Variants in SLC25A21 observed in about 807,000 individuals in gnomAD.
SLC25A21 encodes the protein mitochondrial 2-oxodicarboxylate carrier.
In SLC25A21, 47 loss-of-function variants were observed where a neutral mutation model predicts 43.8. The ratio of observed to expected loss-of-function variants is 1.07; its 90% CI spans 0.85 to 1.37. The LOEUF (loss-of-function observed/expected upper bound fraction) is 1.37, where lower values mean the gene tolerates loss of function less well. Ranked by LOEUF, SLC25A21 falls within the 40% of genes most tolerant of loss-of-function variation. The pLI, the probability that SLC25A21 is intolerant of heterozygous loss-of-function variation, is 0.00. For missense variants in SLC25A21, 352 were observed against 350.2 expected (o/e 1.00, Z -0.04); for synonymous variants, 131 against 121.3 (o/e 1.08, Z -0.52).
chr14:36,744,935 G>A (rs1455459129), intron 3 of SLC25A21, among the ~76,000 whole-genome samples: 1 of 151,838 alleles, frequency 6.6e-6, no homozygotes, highest in African/African-American at 2.4e-5. Flanking sequence ...AGGTATACAT[G>A]TGCCATGTTG....
chr14:36,775,259 G>T (rs74044976), intron 3 of SLC25A21, among the ~76,000 whole-genome samples: 1,878 of 152,258 alleles, frequency 0.012, 30 homozygotes, highest in African/African-American at 0.044. Context: ...AAAAGGGGAA[G>T]AATAGAAACT....
At chr14:36,819,197 C>T (rs1417423993) in intron 2 of SLC25A21, among the ~76,000 whole-genome samples, 2 of 152,098 alleles carry the variant, frequency 1.3e-5, no homozygotes, top group African/African-American at 2.4e-5. Flanking sequence ...ACCTATCTGC[C>T]GCTGTTCTCA....
rs58943565 is a variant in SLC25A21, at chr14:37,069,018, C to CA, written c.70+103262dup. ...TGAAACCCCGTCTCTACTAAAAATA[C>CA]AAAAAAAAATTAGCCGGGCATGGTG... On this transcript the variant is annotated intron_variant, in intron 1 of 9. Coordinates refer to ENST00000331299, the MANE Select transcript of SLC25A21 (RefSeq NM_030631.4). 3.2e-3 allele frequency among the ~76,000 whole-genome samples: 476 copies of CA among 150,940 alleles called. 3 individuals carry two copies. Among genetic ancestry groups the CA allele is most frequent in the African/African-American group, 0.01 (428 of 41,202 alleles).
In SLC25A21 at chr14:37,172,516, A is replaced by G; in HGVS notation, c.-166T>C. 1 of 779,904 alleles carries G rather than the reference A, an allele frequency of 1.3e-6. No individual in the cohort carries two copies. The highest frequency in any genetic ancestry group is 2.2e-6 in the Non-Finnish European group (1 of 448,292). 48.3% of individuals were successfully genotyped at this position (779,904 alleles called of 1,614,324 possible). On this transcript the variant is annotated 5_prime_UTR_variant, in exon 1 of 10. Transcript: ENST00000331299. ...GCTGGAAAGCGAGGGTTCGAGGCGC[A>G]GATTCGTCGCGCGATCTCCGGCGCG...
chr14:37,025,301 T>A (rs952181831), intron 1 of SLC25A21, among the ~76,000 whole-genome samples: 1 of 152,148 alleles, frequency 6.6e-6, no homozygotes, highest in Non-Finnish European at 1.5e-5. Context: ...TATCTAATCC[T>A]GGGATTGTTT....
At chr14:36,935,896 T>C (rs969613821) in intron 1 of SLC25A21, among the ~76,000 whole-genome samples, 1 of 152,142 alleles carries the variant, frequency 6.6e-6, no homozygotes, top group Non-Finnish European at 1.5e-5. Flanking sequence ...GGATTCTCCA[T>C]TAAAGAGGGG....
At chr14:37,123,068 A>T (rs1963237792) in intron 1 of SLC25A21, among the ~76,000 whole-genome samples, 1 of 152,220 alleles carries the variant, frequency 6.6e-6, no homozygotes, top group African/African-American at 2.4e-5. Context: ...TTACTTATTA[A>T]TATTACGAAT....
chr14:37,009,550 G>C (rs1960684627), intron 1 of SLC25A21, among the ~76,000 whole-genome samples: 1 of 152,116 alleles, frequency 6.6e-6, no homozygotes, highest in South Asian at 2.1e-4. Flanking sequence ...AAAGACCAGG[G>C]GAAGAGAAGA....
At chr14:36,809,703 C>T (rs934061748) in intron 3 of SLC25A21, among the ~76,000 whole-genome samples, 6 of 152,086 alleles carry the variant, frequency 3.9e-5, no homozygotes, top group African/African-American at 1.4e-4. Flanking sequence ...AGTGTATTAA[C>T]AGACTTTAAT....
At chr14:36,698,679 G>A (rs1249802446) in intron 7 of SLC25A21, among the ~76,000 whole-genome samples, 3 of 152,006 alleles carry the variant, frequency 2.0e-5, no homozygotes, top group Non-Finnish European at 4.4e-5. Flanking sequence ...TTCAGTCACT[G>A]ATACCCTTTC....
chr14:37,075,449 T>C (rs982367527), intron 1 of SLC25A21, among the ~76,000 whole-genome samples: 6 of 152,184 alleles, frequency 3.9e-5, no homozygotes, highest in African/African-American at 1.4e-4. Context: ...GTCACAATTG[T>C]ATTGGTACAG....
chr14:36,784,288 A>G (rs1360300664), intron 3 of SLC25A21, among the ~76,000 whole-genome samples: 1 of 152,250 alleles, frequency 6.6e-6, no homozygotes, highest in Non-Finnish European at 1.5e-5. Flanking sequence ...TTGCTATGCA[A>G]GAATTCAATA....
At chr14:37,018,522 C>T (rs1010642434) in intron 1 of SLC25A21, among the ~76,000 whole-genome samples, 1 of 152,024 alleles carries the variant, frequency 6.6e-6, no homozygotes, top group Non-Finnish European at 1.5e-5. Context: ...TCAGGAACAT[C>T]TCCTCTTTCG....
At chr14:36,968,338 A>G (rs1230635575) in intron 1 of SLC25A21, among the ~76,000 whole-genome samples, 3 of 152,194 alleles carry the variant, frequency 2.0e-5, no homozygotes, top group African/African-American at 7.2e-5. Context: ...GATTGACAAG[A>G]AGTCACTGGT....
chr14:37,015,178 C>T (rs1278223801), intron 1 of SLC25A21, among the ~76,000 whole-genome samples: 1 of 146,264 alleles, frequency 6.8e-6, no homozygotes, highest in Non-Finnish European at 1.5e-5. Flanking sequence ...TCTCCTAACG[C>T]TATCCCTCCC....
chr14:36,957,112 C>T (rs1959361496), intron 1 of SLC25A21, among the ~76,000 whole-genome samples: 1 of 152,188 alleles, frequency 6.6e-6, no homozygotes, highest in Non-Finnish European at 1.5e-5. Flanking sequence ...TTGTGGGTCA[C>T]AAAAGAAAGT....
intron 3 of SLC25A21, among the ~76,000 whole-genome samples, chr14:36,798,154 C>T (rs1887738108): frequency 6.6e-6 from 1 of 152,142 alleles, no homozygotes; most frequent in South Asian, 2.1e-4. Context: ...ATGCTGTAAC[C>T]TCTCCTATTC....
At chr14:36,746,474 G>T (rs957739123) in intron 3 of SLC25A21, among the ~76,000 whole-genome samples, 2 of 152,102 alleles carry the variant, frequency 1.3e-5, no homozygotes, top group Non-Finnish European at 2.9e-5. Flanking sequence ...GAGGGGTGAG[G>T]AAAACAATAC....
At chr14:36,890,819 T>C (rs1362615899) in intron 1 of SLC25A21, among the ~76,000 whole-genome samples, 1 of 152,198 alleles carries the variant, frequency 6.6e-6, no homozygotes, top group Non-Finnish European at 1.5e-5. Context: ...GTTTATGATT[T>C]AACAACTGTT....
Sources: allele counts gnomAD v4.1 joint callset (sites outside exome capture counted in the v4.1 genomes callset), GRCh38; gene constraint gnomAD v4.1.1; transcripts MANE v1.5; gene names NCBI Gene and HGNC (gene_info 2026-07-23, HGNC 2026-07-21).